Variants in DYNC1I1 observed in about 807,000 individuals in gnomAD.
DYNC1I1 encodes cytoplasmic dynein 1 intermediate chain 1.
Under a neutral mutation model 86.6 loss-of-function variants are expected in DYNC1I1, and 43 were observed. The observed-to-expected ratio is 0.50, with a 90% confidence interval of 0.39 to 0.64. The LOEUF (loss-of-function observed/expected upper bound fraction) is 0.64, where lower values mean the gene tolerates loss of function less well. Ranked by LOEUF, DYNC1I1 falls within the 30% of genes least tolerant of loss-of-function variation. DYNC1I1 has a pLI of 0.00. For synonymous variants in DYNC1I1, 262 were observed against 283.7 expected, an observed-to-expected ratio of 0.92 and a Z score of 0.77; for missense variants, 604 against 788.8, an observed-to-expected ratio of 0.77 and a Z score of 2.81.
At chr7:96,005,482 C>CACGAG (rs1794118144) in intron 10 of DYNC1I1, among the ~76,000 whole-genome samples, 1 of 152,118 alleles carries the variant, frequency 6.6e-6, no homozygotes, top group Non-Finnish European at 1.5e-5. Flanking sequence ...CGTTATCTGA[C>CACGAG]ACGAGACGTA....
intron 5 of DYNC1I1, among the ~76,000 whole-genome samples, chr7:95,849,652 G>A (rs1789525914): frequency 6.6e-6 from 1 of 152,166 alleles, no homozygotes; most frequent in Non-Finnish European, 1.5e-5. Context: ...CAGGTAGTGT[G>A]ATGCCTTCAG....
intron 13 of DYNC1I1, among the ~76,000 whole-genome samples, chr7:96,039,061 T>C (rs1788956109): frequency 6.6e-6 from 1 of 152,234 alleles, no homozygotes; most frequent in African/African-American, 2.4e-5. Flanking sequence ...AAAGATTTCA[T>C]TGCCCTACAT....
intron 16 of DYNC1I1, among the ~76,000 whole-genome samples, chr7:96,082,072 A>G (rs1337305898): frequency 6.6e-6 from 1 of 152,196 alleles, no homozygotes; most frequent in Non-Finnish European, 1.5e-5. Flanking sequence ...GACTATTGAT[A>G]TAGTCTGGAG....
chr7:96,032,150 A>G (rs1272031303), intron 11 of DYNC1I1, among the ~76,000 whole-genome samples: 1 of 152,188 alleles, frequency 6.6e-6, no homozygotes, highest in Non-Finnish European at 1.5e-5. Flanking sequence ...TCTCTCCCCC[A>G]GATTAAAATG....
chr7:96,026,753 AT>A (rs1272173620), intron 10 of DYNC1I1, among the ~76,000 whole-genome samples: 1 of 152,082 alleles, frequency 6.6e-6, no homozygotes, highest in Non-Finnish European at 1.5e-5. Context: ...AATGTTCCAT[AT>A]ATACTTCAAG....
intron 10 of DYNC1I1, among the ~76,000 whole-genome samples, chr7:96,012,502 G>A (rs1374591649): frequency 6.6e-6 from 1 of 152,204 alleles, no homozygotes; most frequent in Admixed American, 6.5e-5. Flanking sequence ...AACCTTTTTA[G>A]GAAAATCTCA....
intron 6 of DYNC1I1, among the ~76,000 whole-genome samples, chr7:95,965,158 G>C (rs1428176505): frequency 1.3e-5 from 2 of 152,200 alleles, no homozygotes; most frequent in Non-Finnish European, 2.9e-5. Flanking sequence ...ACTGAAACTG[G>C]AATAGGCAAG....
intron 16 of DYNC1I1, among the ~76,000 whole-genome samples, chr7:96,091,329 G>A (rs2116314864): frequency 6.6e-6 from 1 of 152,266 alleles, no homozygotes; most frequent in Non-Finnish European, 1.5e-5. Flanking sequence ...ATACAGAGAT[G>A]AATTGTCGTG....
At chr7:95,853,949 T>A (rs984210328) in intron 5 of DYNC1I1, among the ~76,000 whole-genome samples, 4 of 152,214 alleles carry the variant, frequency 2.6e-5, no homozygotes, top group Admixed American at 1.3e-4. Context: ...TATTTTAACA[T>A]GTCTAACATG....
At chr7:95,782,850 C>T (rs1213011397) in intron 1 of DYNC1I1, among the ~76,000 whole-genome samples, 1 of 152,130 alleles carries the variant, frequency 6.6e-6, no homozygotes, top group Non-Finnish European at 1.5e-5. Flanking sequence ...CCCTGGAGTT[C>T]AGCCATCCTG....
intron 1 of DYNC1I1, among the ~76,000 whole-genome samples, chr7:95,798,644 TA>T (rs1390391784): frequency 2.6e-5 from 4 of 152,170 alleles, no homozygotes; most frequent in African/African-American, 9.7e-5. Flanking sequence ...ACTTTAAGCT[TA>T]AAAATACATT....
chr7:96,099,365 CACAATACTGGG>C (rs1791092826), downstream of DYNC1I1, among the ~76,000 whole-genome samples: 1 of 152,206 alleles, frequency 6.6e-6, no homozygotes, highest in Non-Finnish European at 1.5e-5. Flanking sequence ...ATGTGACTGA[CACAATACTGGG>C]AAGTGATGCT....
At chr7:95,875,096 C>T (rs3847047) in intron 6 of DYNC1I1, among the ~76,000 whole-genome samples, 143,519 of 152,268 alleles carry the variant, frequency 0.94, 67,982 homozygotes, top group Non-Finnish European at 0.99. Flanking sequence ...GCCCCTGTGT[C>T]AGCTGTGAGG....
rs1475873819 is a variant in DYNC1I1 at position 96,089,899 on chromosome 7, A to G, written c.1777-7584A>G. Among the ~76,000 whole-genome samples, 3 of 152,170 alleles carry G rather than the reference A, an allele frequency of 2.0e-5. 1 individual carries two copies. Among genetic ancestry groups the G allele is most frequent in the Non-Finnish European group, 4.4e-5 (3 of 68,014 alleles). ...ATTTATTAGAAAACCTATAGTTAAT[A>G]ATATCAAGAAAAGAAGGGATATGTG... On this transcript the variant is annotated intron_variant, in intron 16 of 16. Coordinates refer to ENST00000447467, the MANE Select transcript of DYNC1I1 (RefSeq NM_001135556.2).
At chr7:95,910,910 A>G (rs1459652415) in intron 6 of DYNC1I1, among the ~76,000 whole-genome samples, 1 of 152,190 alleles carries the variant, frequency 6.6e-6, no homozygotes, top group Non-Finnish European at 1.5e-5. Flanking sequence ...CATCATCTTT[A>G]TCATCATGAC....
chr7:95,934,395 A>T (rs757698495), intron 6 of DYNC1I1, among the ~76,000 whole-genome samples: 9 of 152,146 alleles, frequency 5.9e-5, no homozygotes, highest in Non-Finnish European at 1.2e-4. Context: ...ATAAGTGGGA[A>T]TTTTTTCTTA....
chr7:95,955,120 G>T (rs563357891), intron 6 of DYNC1I1, among the ~76,000 whole-genome samples: 40 of 152,178 alleles, frequency 2.6e-4, no homozygotes, highest in African/African-American at 9.4e-4. Flanking sequence ...ATTTAACATT[G>T]CTGTGACTTC....
At chr7:95,798,578 T>A (rs185510319) in intron 1 of DYNC1I1, among the ~76,000 whole-genome samples, 36 of 152,302 alleles carry the variant, frequency 2.4e-4, no homozygotes, top group African/African-American at 8.2e-4. Context: ...TTTCTGGGTA[T>A]TTTTTCAATA....
At chr7:95,867,960 G>T (rs974266079) in intron 5 of DYNC1I1, among the ~76,000 whole-genome samples, 1 of 152,162 alleles carries the variant, frequency 6.6e-6, no homozygotes, top group African/African-American at 2.4e-5. Context: ...ACCCAGGGAG[G>T]TTTTAAAATA....
Sources: gnomAD v4.1 joint callset for allele counts (sites outside exome capture counted in the v4.1 genomes callset) on GRCh38, gnomAD v4.1.1 for gene constraint, MANE v1.5 for transcripts, NCBI Gene and HGNC (gene_info 2026-07-23, HGNC 2026-07-21) for gene names.